PDE10A: variants seen among roughly 807,000 people sequenced by gnomAD.
PDE10A encodes the protein cAMP and cAMP-inhibited cGMP 3',5'-cyclic phosphodiesterase 10A.
In PDE10A, 39 loss-of-function variants were observed where a neutral mutation model predicts 97.7. The observed-to-expected ratio is 0.40, with a 90% CI of 0.31 to 0.52. The LOEUF (loss-of-function observed/expected upper bound fraction) is 0.52, where lower values mean the gene tolerates loss of function less well. Ranked by LOEUF, PDE10A falls within the 20% of genes least tolerant of loss-of-function variation. PDE10A has a pLI of 0.56. For missense variants in PDE10A, 731 were observed against 1,047.8 expected (o/e 0.70, Z 4.17); for synonymous variants, 371 against 376.8 (o/e 0.98, Z 0.18).
chr6:165,411,654 G>T (rs909702435), intron 13 of PDE10A, among the ~76,000 whole-genome samples: 2 of 152,158 alleles, frequency 1.3e-5, no homozygotes, highest in East Asian at 1.9e-4. Flanking sequence ...TTTAAATTAT[G>T]CAGTGAAAAA....
At chr6:165,385,630 T>C (rs1396611753) in intron 17 of PDE10A, among the ~76,000 whole-genome samples, 1 of 152,220 alleles carries the variant, frequency 6.6e-6, no homozygotes, top group Non-Finnish European at 1.5e-5. Flanking sequence ...TGTTATTAAA[T>C]TGGATTTCAG....
chr6:165,790,560 C>T (rs890534979), intron 1 of PDE10A, among the ~76,000 whole-genome samples: 12 of 152,220 alleles, frequency 7.9e-5, no homozygotes, highest in African/African-American at 1.7e-4. Context: ...CTTATCTTCT[C>T]GGCAGTGGGC....
intron 1 of PDE10A, among the ~76,000 whole-genome samples, chr6:165,809,657 G>A (rs1779227095): frequency 6.6e-6 from 1 of 152,182 alleles, no homozygotes; most frequent in South Asian, 2.1e-4. Flanking sequence ...AGCCTAGTGA[G>A]TGCTTAGTGA....
chr6:165,669,334 G>A (rs753633136), intron 1 of PDE10A, among the ~76,000 whole-genome samples: 1 of 152,084 alleles, frequency 6.6e-6, no homozygotes, highest in Non-Finnish European at 1.5e-5. Flanking sequence ...CCATAATCCC[G>A]TGGCCATATT....
At chr6:165,855,483 T>C (rs1270416735) in intron 1 of PDE10A, among the ~76,000 whole-genome samples, 1 of 151,408 alleles carries the variant, frequency 6.6e-6, no homozygotes, top group Non-Finnish European at 1.5e-5. Context: ...CTAACAGTCA[T>C]TGGCCGCCTC....
At chr6:165,610,073 A>T (rs530487293) in intron 1 of PDE10A, among the ~76,000 whole-genome samples, 12 of 152,348 alleles carry the variant, frequency 7.9e-5, no homozygotes, top group Admixed American at 2.6e-4. Context: ...CCAAAAGTAC[A>T]AAGCTGGAGG....
At chr6:165,715,853 T>A (rs76976677) in intron 1 of PDE10A, among the ~76,000 whole-genome samples, 137 of 152,324 alleles carry the variant, frequency 9.0e-4, no homozygotes, top group African/African-American at 3.0e-3. Flanking sequence ...TCCTGTGGCA[T>A]CACGAATGTT....
At chr6:165,412,806 T>C (rs941119411) in intron 13 of PDE10A, among the ~76,000 whole-genome samples, 2 of 152,170 alleles carry the variant, frequency 1.3e-5, no homozygotes, top group African/African-American at 4.8e-5. Flanking sequence ...TTTAGCTCTA[T>C]GAAAAGATCA....
chr6:165,985,238 C>G (rs1033278386), intron 1 of PDE10A, among the ~76,000 whole-genome samples: 2 of 152,240 alleles, frequency 1.3e-5, no homozygotes, highest in African/African-American at 4.8e-5. Flanking sequence ...GTTCATTTTT[C>G]CTTTGCGTTA....
Position 165,829,108 on chromosome 6 carries a change from C to A in PDE10A, c.-615+158421G>T, listed in dbSNP as rs530888330. On this transcript the variant is annotated intron_variant, in intron 1 of 19. Coordinates refer to the PDE10A transcript ENST00000366882. ...TGAGAAGATGGAGGGTAAGAAATGG[C>A]CCCAGCTTCATTCCCAGGCTGCTGG... Among the ~76,000 whole-genome samples the A allele has an allele frequency of 2.5e-3, 382 of 152,294 alleles. 4 individuals carry two copies. The highest frequency in any genetic ancestry group is 8.9e-3 in the African/African-American group (371 of 41,570).
chr6:165,947,921 A>G (rs953248158), intron 1 of PDE10A, among the ~76,000 whole-genome samples: 1 of 152,176 alleles, frequency 6.6e-6, no homozygotes, highest in Non-Finnish European at 1.5e-5. Flanking sequence ...GTAATGTCCT[A>G]TCAAACAGAC....
chr6:165,634,408 T>C lies in PDE10A; in HGVS notation c.865+27539A>G, dbSNP rs536877801. ...GAGTCCTGCAACTTTATTAGCTGTG[T>C]GGCTGGTTCCCCTTATGTAAAACAA... On this transcript the variant is annotated intron_variant, in intron 1 of 21. Transcript: ENST00000539869. Among the ~76,000 whole-genome samples, 44 of 152,334 alleles carry C rather than the reference T, an allele frequency of 2.9e-4. No individual in the cohort carries two copies. The Middle Eastern group carries it at 0.017, about 59-fold the overall frequency.
chr6:165,724,904 G>A (rs1170154174), intron 1 of PDE10A, among the ~76,000 whole-genome samples: 1 of 152,224 alleles, frequency 6.6e-6, no homozygotes, highest in Non-Finnish European at 1.5e-5. Context: ...CAGAGTCATA[G>A]TGGTGATATG....
chr6:165,464,875 A>G (rs190207354), intron 3 of PDE10A, among the ~76,000 whole-genome samples: 7 of 152,300 alleles, frequency 4.6e-5, no homozygotes, highest in African/African-American at 1.7e-4. Flanking sequence ...CATTGTATTA[A>G]TGTACTACAA....
chr6:165,469,168 T>A (rs1245235513), intron 3 of PDE10A, among the ~76,000 whole-genome samples: 1 of 152,240 alleles, frequency 6.6e-6, no homozygotes, highest in Non-Finnish European at 1.5e-5. Context: ...TTTATTATTA[T>A]GGAATCGGGA....
At chr6:165,587,707 G>A (rs918586255) in intron 1 of PDE10A, among the ~76,000 whole-genome samples, 8 of 151,856 alleles carry the variant, frequency 5.3e-5, no homozygotes, top group Non-Finnish European at 8.8e-5. Flanking sequence ...GAACAACTAA[G>A]GTATAAGGAC....
At chr6:165,486,961 T>C (rs550096068) in intron 2 of PDE10A, among the ~76,000 whole-genome samples, 14 of 152,302 alleles carry the variant, frequency 9.2e-5, no homozygotes, top group Non-Finnish European at 1.5e-4. Context: ...GTGAAAGAGA[T>C]GGAGCCAGGG....
At chr6:165,617,677 T>C (rs1787791499) in intron 1 of PDE10A, among the ~76,000 whole-genome samples, 1 of 152,080 alleles carries the variant, frequency 6.6e-6, no homozygotes, top group South Asian at 2.1e-4. Flanking sequence ...GTGGGACTTG[T>C]GGTGCCAAGA....
At chr6:165,957,920 T>G (rs1163117971) in intron 1 of PDE10A, among the ~76,000 whole-genome samples, 3 of 152,244 alleles carry the variant, frequency 2.0e-5, no homozygotes, top group Non-Finnish European at 4.4e-5. Context: ...ATCCAGCTCC[T>G]TCTTTCAATT....
Sources: gnomAD v4.1 joint callset for allele counts (sites outside exome capture counted in the v4.1 genomes callset) on GRCh38, gnomAD v4.1.1 for gene constraint, MANE v1.5 for transcripts, NCBI Gene and HGNC (gene_info 2026-07-23, HGNC 2026-07-21) for gene names.